RBFOX1: variants seen among roughly 807,000 people sequenced by gnomAD.
RBFOX1 encodes RNA binding protein fox-1 homolog 1.
A neutral mutation model predicts 57.7 loss-of-function variants in RBFOX1; 8 were observed. The ratio of observed to expected loss-of-function variants is 0.14; its 90% CI spans 0.08 to 0.25. The LOEUF (loss-of-function observed/expected upper bound fraction) is 0.25, where lower values mean the gene tolerates loss of function less well. Ranked by LOEUF, RBFOX1 falls within the 10% of genes least tolerant of loss-of-function variation. The pLI is 1.00. For missense variants in RBFOX1, 611 were observed against 548.5 expected (o/e 1.11, Z -1.14); for synonymous variants, 326 against 222.4 (o/e 1.47, Z -4.15).
rs1568246692 is a variant in RBFOX1 at position 6,988,757 on chromosome 16, TG to T, written c.-15-63299del. Among the ~76,000 whole-genome samples the T allele has an allele frequency of 7.3e-3, 1,049 of 142,936 alleles. 23 individuals are homozygous for T. The highest frequency in any genetic ancestry group is 0.024 in the African/African-American group (894 of 37,808). The allele number at this position is 142,936 out of a possible 152,430, so 93.8% of individuals were successfully genotyped here. ...TTTTTTTTTTTGTTTGTTTGTTTTTTGTTTTTTGTTTTTTGTTTTTTGTTTT... is the reference window on the plus strand; with the variant it reads ...TTTTTTTTTTTGTTTGTTTGTTTTTTTTTTTTGTTTTTTGTTTTTTGTTTT... On this transcript the variant is annotated intron_variant, in intron 3 of 15. Coordinates refer to ENST00000550418, the MANE Select transcript of RBFOX1 (RefSeq NM_018723.4).
intron 2 of RBFOX1, among the ~76,000 whole-genome samples, chr16:6,357,830 AG>A (rs2087652668): frequency 6.6e-6 from 1 of 151,960 alleles, no homozygotes; most frequent in African/African-American, 2.4e-5. Flanking sequence ...GGGTGCCTGC[AG>A]TCCCAACTAC....
intron 4 of RBFOX1, among the ~76,000 whole-genome samples, chr16:7,212,160 G>A (rs1188921788): frequency 7.9e-5 from 12 of 152,182 alleles, no homozygotes; most frequent in Non-Finnish European, 1.0e-4. Context: ...TGGCAGATCC[G>A]GGAGGACTGC....
intron 5 of RBFOX1, among the ~76,000 whole-genome samples, chr16:7,556,481 G>A (rs1428567557): frequency 6.6e-6 from 1 of 152,160 alleles, no homozygotes; most frequent in Non-Finnish European, 1.5e-5. Flanking sequence ...GGTAACTCTG[G>A]AATATTATAA....
chr16:5,343,631 A>C (rs2065080788), intron 1 of RBFOX1, among the ~76,000 whole-genome samples: 2 of 152,082 alleles, frequency 1.3e-5, no homozygotes, highest in African/African-American at 4.8e-5. Flanking sequence ...ACTTCTTTGA[A>C]GTTTTAACCA....
intron 4 of RBFOX1, among the ~76,000 whole-genome samples, chr16:7,408,785 C>T (rs909374556): frequency 1.3e-5 from 2 of 152,192 alleles, no homozygotes; most frequent in East Asian, 3.9e-4. Context: ...TCCCCTCCCT[C>T]CTTGTTGTGT....
chr16:7,681,329 T>C (rs1404577502), intron 14 of RBFOX1, among the ~76,000 whole-genome samples: 1 of 152,140 alleles, frequency 6.6e-6, no homozygotes, highest in East Asian at 1.9e-4. Flanking sequence ...TTCTGCCCTC[T>C]AATATTTCAT....
rs541484627 is a variant in RBFOX1 at position 5,284,142 on chromosome 16, A to G, written c.219+44037A>G. Among the ~76,000 whole-genome samples the G allele has an allele frequency of 9.8e-5, 15 of 152,296 alleles. No individual in the cohort carries two copies. The South Asian group carries it at 3.1e-3, about 32-fold the overall frequency. ...CTCTTTGCCTGCTGCCATCCATGTGAGCCATGACTTGCTTCTTCTTGCCTT... is the reference window on the plus strand; with the variant it reads ...CTCTTTGCCTGCTGCCATCCATGTGGGCCATGACTTGCTTCTTCTTGCCTT... On this transcript the variant is annotated intron_variant, in intron 1 of 2. Transcript: ENST00000585867.
At chr16:7,352,789 C>T (rs1018329760) in intron 4 of RBFOX1, among the ~76,000 whole-genome samples, 1 of 152,100 alleles carries the variant, frequency 6.6e-6, no homozygotes, top group Admixed American at 6.5e-5. Flanking sequence ...GATCATGGCT[C>T]ACTGCAGCTT....
At chr16:6,065,298 G>C (rs1215552062) in intron 1 of RBFOX1, among the ~76,000 whole-genome samples, 1 of 151,430 alleles carries the variant, frequency 6.6e-6, no homozygotes, top group African/African-American at 2.4e-5. Flanking sequence ...GCCTCCCAAA[G>C]TGCTGGGATT....
intron 12 of RBFOX1, among the ~76,000 whole-genome samples, chr16:7,658,303 A>G (rs1433759015): frequency 6.6e-6 from 1 of 152,118 alleles, no homozygotes; most frequent in Non-Finnish European, 1.5e-5. Flanking sequence ...ACAGACCTCC[A>G]TTTCCTTCAA....
At chr16:5,703,177 T>C (rs1372350471) in intron 3 of RBFOX1, among the ~76,000 whole-genome samples, 1 of 152,196 alleles carries the variant, frequency 6.6e-6, no homozygotes, top group East Asian at 1.9e-4. Flanking sequence ...ATTGCAACTT[T>C]GCTATGAAAG....
At chr16:5,945,668 G>A (rs1345092744) in intron 4 of RBFOX1, among the ~76,000 whole-genome samples, 1 of 152,210 alleles carries the variant, frequency 6.6e-6, no homozygotes, top group Non-Finnish European at 1.5e-5. Flanking sequence ...GCTGGCTTTA[G>A]CACCCCTGCC....
intron 2 of RBFOX1, among the ~76,000 whole-genome samples, chr16:6,331,771 TAA>T (rs5815300): frequency 6.7e-6 from 1 of 149,326 alleles, no homozygotes; most frequent in Admixed American, 6.7e-5. Context: ...CACCTTTTTT[TAA>T]AAAAAAAAAT....
chr16:7,436,938 G>A (rs2098726398), intron 4 of RBFOX1, among the ~76,000 whole-genome samples: 1 of 152,080 alleles, frequency 6.6e-6, no homozygotes, highest in African/African-American at 2.4e-5. Flanking sequence ...AAAAATAGCT[G>A]GTCATGGTGA....
intron 4 of RBFOX1, among the ~76,000 whole-genome samples, chr16:5,965,632 A>T (rs1366786791): frequency 6.6e-6 from 1 of 152,202 alleles, no homozygotes; most frequent in African/African-American, 2.4e-5. Flanking sequence ...GCTTCAAAAG[A>T]AATTACTGTT....
chr16:6,902,163 G>A (rs1471815478), intron 3 of RBFOX1, among the ~76,000 whole-genome samples: 2 of 152,046 alleles, frequency 1.3e-5, no homozygotes, highest in Non-Finnish European at 2.9e-5. Flanking sequence ...TTCGTACCTG[G>A]GATATTCATT....
chr16:6,644,335 G>A (rs1044559826), intron 2 of RBFOX1, among the ~76,000 whole-genome samples: 3 of 152,226 alleles, frequency 2.0e-5, no homozygotes, highest in African/African-American at 7.2e-5. Context: ...CACCTTGAAT[G>A]CTTTTTGGAG....
intron 1 of RBFOX1, among the ~76,000 whole-genome samples, chr16:5,395,214 G>A (rs930485379): frequency 6.6e-6 from 1 of 152,232 alleles, no homozygotes; most frequent in Admixed American, 6.5e-5. Context: ...TGGTCTCTGT[G>A]CATCTCTTCT....
intron 2 of RBFOX1, among the ~76,000 whole-genome samples, chr16:6,478,429 AT>A (rs58352204): frequency 3.8e-3 from 94 of 24,596 alleles, no homozygotes; most frequent in African/African-American, 9.1e-3. Context: ...ATATATATAT[AT>A]TTTTTTTTTT....
Sources: allele counts gnomAD v4.1 joint callset (sites outside exome capture counted in the v4.1 genomes callset), GRCh38; gene constraint gnomAD v4.1.1; transcripts MANE v1.5; gene names NCBI Gene and HGNC (gene_info 2026-07-23, HGNC 2026-07-21).